The following CNTNAP2 variants were observed in gnomAD, a reference collection of about 807,000 sequenced individuals.
The protein encoded by CNTNAP2 is contactin-associated protein-like 2.
CNTNAP2 carries 98 observed loss-of-function variants against 155.2 expected under a neutral mutation model. The observed-to-expected ratio is 0.63, with a 90% CI of 0.54 to 0.75. The LOEUF (loss-of-function observed/expected upper bound fraction) is 0.75, where lower values mean the gene tolerates loss of function less well. CNTNAP2 is among the 30% of genes least tolerant of loss of function. The pLI is 0.00. For missense variants in CNTNAP2, 1,727 were observed against 1,688.1 expected (o/e 1.02, Z -0.40); for synonymous variants, 651 against 631.2 (o/e 1.03, Z -0.47).
chr7:147,805,363 T>A (rs995945203), intron 13 of CNTNAP2, among the ~76,000 whole-genome samples: 1 of 152,234 alleles, frequency 6.6e-6, no homozygotes, highest in Non-Finnish European at 1.5e-5. Context: ...GATTATATCA[T>A]CTAAAAACAA....
chr7:146,455,581 C>T (rs536237352), intron 1 of CNTNAP2, among the ~76,000 whole-genome samples: 2 of 152,178 alleles, frequency 1.3e-5, no homozygotes, highest in African/African-American at 4.8e-5. Context: ...TCTTCTAAGA[C>T]CTTCTCTCAT....
At chr7:146,579,625 G>A (rs1020880127) in intron 1 of CNTNAP2, among the ~76,000 whole-genome samples, 2 of 152,028 alleles carry the variant, frequency 1.3e-5, no homozygotes, top group Admixed American at 6.6e-5. Flanking sequence ...CTCACTCATT[G>A]AAAGATATGT....
Position 146,228,694 on chromosome 7 carries a change from A to G in CNTNAP2, c.97+111721A>G, listed in dbSNP as rs149160916. Among the ~76,000 whole-genome samples, 923 of 152,248 alleles carry G rather than the reference A, an allele frequency of 6.1e-3. 8 individuals carry two copies. The highest frequency in any genetic ancestry group is 0.015 in the African/African-American group (626 of 41,552). On this transcript the variant is annotated intron_variant, in intron 1 of 23. Coordinates refer to ENST00000361727, the MANE Select transcript of CNTNAP2 (RefSeq NM_014141.6). ...AATGTGATTCACATTTCATCTCTTT[A>G]TGCAATTTCCTTATTGTTTTATCAT...
intron 10 of CNTNAP2, among the ~76,000 whole-genome samples, chr7:147,400,258 G>A (rs1047441971): frequency 6.6e-6 from 1 of 152,188 alleles, no homozygotes; most frequent in East Asian, 1.9e-4. Flanking sequence ...GGGGTGCTTG[G>A]GGAGGGACGG....
At chr7:146,818,794 A>G (rs1803222404) in intron 2 of CNTNAP2, among the ~76,000 whole-genome samples, 1 of 152,178 alleles carries the variant, frequency 6.6e-6, no homozygotes, top group Non-Finnish European at 1.5e-5. Flanking sequence ...AAGCTCACAA[A>G]TTGGATAAGA....
intron 1 of CNTNAP2, among the ~76,000 whole-genome samples, chr7:146,756,260 T>C (rs1003554325): frequency 1.3e-5 from 2 of 151,996 alleles, no homozygotes; most frequent in African/African-American, 4.8e-5. Context: ...AGTGGTTAAC[T>C]CTAATTTGTT....
chr7:147,569,515 T>G (rs570471060), intron 12 of CNTNAP2, among the ~76,000 whole-genome samples: 1 of 152,298 alleles, frequency 6.6e-6, no homozygotes, highest in East Asian at 1.9e-4. Flanking sequence ...TATGTGTAGA[T>G]AGGTTATATA....
intron 8 of CNTNAP2, among the ~76,000 whole-genome samples, chr7:147,241,398 C>A (rs1442813720): frequency 6.6e-6 from 1 of 152,052 alleles, no homozygotes; most frequent in Non-Finnish European, 1.5e-5. Context: ...GAGGCTGAGG[C>A]AGGTGGATCA....
At chr7:146,705,070 C>T (rs997125079) in intron 1 of CNTNAP2, among the ~76,000 whole-genome samples, 3 of 152,102 alleles carry the variant, frequency 2.0e-5, no homozygotes, top group Admixed American at 1.3e-4. Context: ...GCACCCTTGT[C>T]CCCTAGGTCA....
intron 1 of CNTNAP2, among the ~76,000 whole-genome samples, chr7:146,663,220 G>A (rs1457837483): frequency 1.3e-4 from 19 of 142,386 alleles, no homozygotes; most frequent in African/African-American, 4.9e-4. Context: ...AGAGGTTGCA[G>A]TGAGCCAAGA....
chr7:146,517,942 T>C (rs865786279), intron 1 of CNTNAP2, among the ~76,000 whole-genome samples: 38 of 151,870 alleles, frequency 2.5e-4, no homozygotes, highest in African/African-American at 8.2e-4. Flanking sequence ...ATTTAAGCAA[T>C]CAAGTGTATT....
At chr7:147,300,400 C>T in intron 9 of CNTNAP2, 110 bp downstream of exon 9, 1 of 1,055,880 alleles carries the variant, frequency 9.5e-7, no homozygotes, top group Non-Finnish European at 1.3e-6. Context: ...CAGTAGATCT[C>T]ATGACAAAAC....
intron 1 of CNTNAP2, among the ~76,000 whole-genome samples, chr7:146,532,050 A>G (rs1797778370): frequency 6.6e-6 from 1 of 152,142 alleles, no homozygotes; most frequent in Admixed American, 6.6e-5. Context: ...CTTGGCGATA[A>G]AGAGCTGGAA....
intron 3 of CNTNAP2, among the ~76,000 whole-genome samples, chr7:146,918,389 T>A (rs1796436060): frequency 6.6e-6 from 1 of 152,200 alleles, no homozygotes; most frequent in African/African-American, 2.4e-5. Flanking sequence ...AGTAGTGAAT[T>A]CTTTCAAAAT....
chr7:146,394,594 T>G (rs1563067717), intron 1 of CNTNAP2, among the ~76,000 whole-genome samples: 1 of 152,154 alleles, frequency 6.6e-6, no homozygotes, highest in African/African-American at 2.4e-5. Context: ...GGAGGCAAAC[T>G]GAGAGTATTT....
intron 21 of CNTNAP2, among the ~76,000 whole-genome samples, chr7:148,352,978 G>A (rs1798454657): frequency 6.6e-6 from 1 of 152,216 alleles, no homozygotes; most frequent in South Asian, 2.1e-4. Context: ...GGACTGGCCA[G>A]ATGACGATGG....
chr7:148,359,346 C>A (rs765016002), intron 21 of CNTNAP2, among the ~76,000 whole-genome samples: 17 of 152,212 alleles, frequency 1.1e-4, no homozygotes, highest in Admixed American at 2.0e-4. Context: ...ATAGGCAAAG[C>A]CTCCCTTCTT....
chr7:146,945,288 G>A (rs1254197284), intron 3 of CNTNAP2, among the ~76,000 whole-genome samples: 2 of 152,326 alleles, frequency 1.3e-5, no homozygotes, highest in East Asian at 3.9e-4. Context: ...AAACTTGTGT[G>A]ACTTAGCTAT....
chr7:147,298,355 C>T (rs1246130703), intron 8 of CNTNAP2, among the ~76,000 whole-genome samples: 11 of 151,530 alleles, frequency 7.3e-5, no homozygotes, highest in South Asian at 2.1e-4. Flanking sequence ...ACCCAGGAGG[C>T]GGAGGTTGCA....
Sources: gnomAD v4.1 joint callset for allele counts (sites outside exome capture counted in the v4.1 genomes callset) on GRCh38, gnomAD v4.1.1 for gene constraint, MANE v1.5 for transcripts, NCBI Gene and HGNC (gene_info 2026-07-23, HGNC 2026-07-21) for gene names.